Variants in SBF2 observed in about 807,000 individuals in gnomAD.
SBF2 encodes the protein myotubularin-related protein 13.
In SBF2, 112 loss-of-function variants were observed where a neutral mutation model predicts 225.2. The ratio of observed to expected loss-of-function variants is 0.50; its 90% CI spans 0.43 to 0.58. The LOEUF (loss-of-function observed/expected upper bound fraction) is 0.58, where lower values mean the gene tolerates loss of function less well. Ranked by LOEUF, SBF2 falls within the 20% of genes least tolerant of loss-of-function variation. SBF2 has a pLI of 0.00. For missense variants in SBF2, 1,996 were observed against 2,206.2 expected (o/e 0.90, Z 1.91); for synonymous variants, 763 against 773.3 (o/e 0.99, Z 0.22).
chr11:9,857,830 T>C (rs1338409710), intron 18 of SBF2, among the ~76,000 whole-genome samples: 2 of 152,224 alleles, frequency 1.3e-5, no homozygotes, highest in Admixed American at 1.3e-4. Flanking sequence ...GATTTATTAC[T>C]GGCATTTTTT....
intron 6 of SBF2, among the ~76,000 whole-genome samples, chr11:10,007,136 G>T (rs190831997): frequency 1.5e-4 from 23 of 152,252 alleles, no homozygotes; most frequent in Non-Finnish European, 1.5e-5. Flanking sequence ...GTTCTCTCTG[G>T]TATCTCCTCT....
chr11:10,228,909 T>C (rs911346211), intron 1 of SBF2, among the ~76,000 whole-genome samples: 14 of 152,184 alleles, frequency 9.2e-5, no homozygotes, highest in African/African-American at 3.4e-4. Flanking sequence ...CTCCTCCTTG[T>C]ACCTCTGGTA....
At chr11:9,794,699 A>AAAAAAAAAAAAAAAAAG (rs1564859829) in intron 33 of SBF2, among the ~76,000 whole-genome samples, 3 of 147,162 alleles carry the variant, frequency 2.0e-5, no homozygotes, top group African/African-American at 7.5e-5. Flanking sequence ...AAAAAAAAAA[A>AAAAAAAAAAAAAAAAAG]AAAAAAAAGA....
At chr11:9,981,366 G>C (rs1049366228) in intron 13 of SBF2, among the ~76,000 whole-genome samples, 4 of 151,920 alleles carry the variant, frequency 2.6e-5, no homozygotes, top group African/African-American at 9.7e-5. Context: ...TCAGTGCCTG[G>C]GTGATGGCAT....
At chr11:9,984,936 A>G (rs1046882268) in intron 13 of SBF2, among the ~76,000 whole-genome samples, 1 of 152,242 alleles carries the variant, frequency 6.6e-6, no homozygotes, top group African/African-American at 2.4e-5. Flanking sequence ...AAGGAGCTCT[A>G]AATCTTGAAA....
At chr11:9,972,865 A>G (rs1318540125) in intron 13 of SBF2, among the ~76,000 whole-genome samples, 3 of 152,274 alleles carry the variant, frequency 2.0e-5, no homozygotes, top group Non-Finnish European at 4.4e-5. Flanking sequence ...AATTACAAGC[A>G]TTAATTTACA....
chr11:9,992,660 TGC>T, intron 11 of SBF2, 117 bp from the exon 12 acceptor site: 2 of 926,558 alleles, frequency 2.2e-6, no homozygotes, highest in Non-Finnish European at 3.2e-6. Flanking sequence ...TATAAATATA[TGC>T]TGTCATAAAA....
At chr11:9,868,366 A>AAAAAG (rs1554933292) in intron 17 of SBF2, among the ~76,000 whole-genome samples, 5 of 114,922 alleles carry the variant, frequency 4.4e-5, no homozygotes, top group East Asian at 4.4e-4. Context: ...AAAAAAAAAA[A>AAAAAG]AATTAGGCGG....
chr11:9,859,130 G>C (rs1044353801), intron 17 of SBF2, among the ~76,000 whole-genome samples: 6 of 152,098 alleles, frequency 3.9e-5, no homozygotes, highest in Non-Finnish European at 8.8e-5. Context: ...AACTCTGCAG[G>C]CATTTAGAAG....
chr11:10,239,208 T>C (rs2135456405), intron 1 of SBF2, among the ~76,000 whole-genome samples: 1 of 150,714 alleles, frequency 6.6e-6, no homozygotes, highest in African/African-American at 2.4e-5. Flanking sequence ...TACAAAATTT[T>C]TACCAAAATT....
At chr11:10,225,352 G>T (rs1044247978) in intron 1 of SBF2, among the ~76,000 whole-genome samples, 2 of 150,966 alleles carry the variant, frequency 1.3e-5, no homozygotes, top group African/African-American at 4.9e-5. Flanking sequence ...AATTATGCCA[G>T]ATAAATGAAA....
intron 2 of SBF2, among the ~76,000 whole-genome samples, chr11:10,181,917 T>C (rs1956751706): frequency 6.6e-6 from 1 of 152,170 alleles, no homozygotes; most frequent in African/African-American, 2.4e-5. Context: ...TGTGTTTACT[T>C]TGTCACCTTA....
intron 2 of SBF2, among the ~76,000 whole-genome samples, chr11:10,175,078 C>A (rs933829983): frequency 6.6e-6 from 1 of 151,690 alleles, no homozygotes; most frequent in Non-Finnish European, 1.5e-5. Context: ...TAAAGACCAT[C>A]GAGACTAGGA....
intron 1 of SBF2, among the ~76,000 whole-genome samples, chr11:10,196,837 A>ATATATATATATATATATATAT (rs1957372454): frequency 2.4e-5 from 2 of 83,522 alleles, no homozygotes; most frequent in Non-Finnish European, 4.8e-5. Flanking sequence ...TTCTTGCATA[A>ATATATATATATATATATATAT]ATATATATAT....
At chr11:9,997,161 A>T (rs901252401) in intron 9 of SBF2, among the ~76,000 whole-genome samples, 8 of 152,052 alleles carry the variant, frequency 5.3e-5, no homozygotes, top group Non-Finnish European at 7.4e-5. Context: ...CTAGGCTTCT[A>T]AGTTTCTATT....
rs75965073 is a variant in SBF2 at position 9,787,184 on chromosome 11, G to A, written c.5037+450C>T. Among the ~76,000 whole-genome samples, 67 of 152,310 alleles carry A rather than the reference G, an allele frequency of 4.4e-4. No homozygotes were observed. In the East Asian group the frequency reaches 9.8e-3, roughly 22 times the overall value. On this transcript the variant is annotated intron_variant, in intron 36 of 39. Coordinates refer to ENST00000256190, the MANE Select transcript of SBF2 (RefSeq NM_030962.4). The stretch of plus-strand genomic sequence containing the variant: ...GCTGGGATTATAGGCGTGAGCCACC[G>A]CACCCGGCCGTTAAAATATTTTTAT...
chr11:10,087,642 TATGAAGCTC>T (rs1951625439), intron 2 of SBF2, among the ~76,000 whole-genome samples: 3 of 152,388 alleles, frequency 2.0e-5, no homozygotes, highest in Admixed American at 1.3e-4. Flanking sequence ...AACATATTTT[TATGAAGCTC>T]ATGAAGCTTA....
At chr11:10,010,224 G>C (rs1048059707) in intron 6 of SBF2, among the ~76,000 whole-genome samples, 5 of 152,150 alleles carry the variant, frequency 3.3e-5, no homozygotes, top group Non-Finnish European at 7.4e-5. Flanking sequence ...TTCTTTTGCT[G>C]TGAAGAAGCT....
At chr11:9,856,858 G>C (rs1857360516) in intron 18 of SBF2, 138 bp from the exon 19 acceptor site, 1 of 851,886 alleles carries the variant, frequency 1.2e-6, no homozygotes, top group South Asian at 1.6e-5. Context: ...CACGATCTTG[G>C]CTCACTGCAA....
Sources: gnomAD v4.1 joint callset for allele counts (sites outside exome capture counted in the v4.1 genomes callset) on GRCh38, gnomAD v4.1.1 for gene constraint, MANE v1.5 for transcripts, NCBI Gene and HGNC (gene_info 2026-07-23, HGNC 2026-07-21) for gene names.